Variants in MOCS1 observed in about 807,000 individuals in gnomAD.
MOCS1 encodes the protein molybdenum cofactor synthesis 1.
MOCS1 carries 39 observed loss-of-function variants against 57.6 expected under a neutral mutation model. The ratio of observed to expected loss-of-function variants is 0.68; its 90% CI spans 0.52 to 0.88. The LOEUF (loss-of-function observed/expected upper bound fraction) is 0.88. Ranked by LOEUF, MOCS1 falls within the 40% of genes least tolerant of loss-of-function variation. The pLI is 0.00. For missense variants in MOCS1, 795 were observed against 831.1 expected (o/e 0.96, Z 0.53); for synonymous variants, 334 against 335.7 (o/e 1.00, Z 0.05).
intron 4 of MOCS1, among the ~76,000 whole-genome samples, chr6:39,914,789 C>T (rs896820059): frequency 1.3e-5 from 2 of 152,190 alleles, no homozygotes; most frequent in African/African-American, 2.4e-5. Context: ...CTGTAAAACA[C>T]TCCCCTCCAA....
At chr6:39,933,047 G>A (rs571422831) in intron 1 of MOCS1, among the ~76,000 whole-genome samples, 5 of 152,092 alleles carry the variant, frequency 3.3e-5, no homozygotes, top group African/African-American at 9.6e-5. Context: ...CAGGGAGGAC[G>A]GAAAAGCATT....
At position 39,927,428 on chromosome 6, in the gene MOCS1, G is replaced by A. The variant is rs571898718; in HGVS notation, c.151C>T (p.Arg51Trp). ...EEVSRRRQFL[R>W]EHAAPFSAFL... ...GCGGAGAAGGGGGCCGCATGCTCCCGCAGGAACTGCCTCCGCCTGGACACC... is the reference window on the plus strand; with the variant it reads ...GCGGAGAAGGGGGCCGCATGCTCCCACAGGAACTGCCTCCGCCTGGACACC... Residue 51 changes from arginine (R) to tryptophan (W), a missense_variant, in exon 2 of 11, where the codon CGG becomes TGG. Arg to Trp is a moderately radical substitution (Grantham distance 101, BLOSUM62 -3). Transcript: ENST00000340692. 3.5e-5 allele frequency: 56 copies of A among 1,611,950 alleles called. No individual in the cohort carries two copies. Among genetic ancestry groups the A allele is most frequent in the Admixed American group, 6.7e-5 (4 of 59,822 alleles).
chr6:39,912,520 T>G (rs551472567), intron 7 of MOCS1, 146 bp from the exon 8 acceptor site: 6 of 693,768 alleles, frequency 8.6e-6, no homozygotes, highest in Non-Finnish European at 1.6e-5. Flanking sequence ...CCTCAGGTGA[T>G]AGAAGACTCT....
At chr6:39,910,874 A>G (rs957025974) in intron 8 of MOCS1, among the ~76,000 whole-genome samples, 1 of 146,368 alleles carries the variant, frequency 6.8e-6, no homozygotes, top group South Asian at 2.3e-4. Context: ...GGGTAAAGGG[A>G]AAGAACAATC....
rs886061384 is a variant in MOCS1 at position 39,905,584 on chromosome 6, C to CTT, written c.*771_*772dup. 4.2e-6 allele frequency: 2 copies of CTT among 471,044 alleles called. No homozygotes were observed. Among genetic ancestry groups the CTT allele is most frequent in the East Asian group, 1.4e-4 (2 of 14,404 alleles). The allele number at this position is 471,044 out of a possible 1,614,324, so 29.2% of individuals were successfully genotyped here. A position where few individuals can be genotyped will look rare whatever the true frequency, so the allele number is the denominator to read the frequency against. On this transcript the variant is annotated 3_prime_UTR_variant, in exon 11 of 11. Coordinates refer to ENST00000340692, the MANE Select transcript of MOCS1 (RefSeq NM_001358530.2). ...GAGGGTGAAGGCAATCTATCATCAACTTTTCTTTCCCTGATATGCTCCAGA... is the reference window on the plus strand; with the variant it reads ...GAGGGTGAAGGCAATCTATCATCAACTTTTTTCTTTCCCTGATATGCTCCAGA...
intron 10 of MOCS1, among the ~76,000 whole-genome samples, chr6:39,907,743 C>T (rs1288824048): frequency 6.6e-6 from 1 of 152,090 alleles, no homozygotes; most frequent in Non-Finnish European, 1.5e-5. Flanking sequence ...TATGGACCAG[C>T]AGCACCAGCA....
rs201036100 is a variant in MOCS1 at position 39,913,367 on chromosome 6, G to A, written c.707C>T (p.Thr236Ile). The change falls in exon 6 of 11, where the codon ACT (threonine) becomes ATT (isoleucine). Residue 236 changes from threonine (T) to isoleucine (I), a missense_variant. Around this residue, in one of 3 missense-constraint regions of MOCS1, gnomAD observed 416 missense variants for 392.4 expected, o/e 1.06. Transcript: ENST00000340692. ...GCGCACATCCAGGGGGAGGCCCTCA[G>A]TCAAGGCCGCAAAGTCCAGGAGTTC... The part of the protein sequence containing the change: ...EDELLDFAAL[T>I]EGLPLDVRFI... The A allele has an allele frequency of 7.4e-5, 119 of 1,614,080 alleles. No individual in the cohort carries two copies. The highest frequency in any genetic ancestry group is 9.5e-5 in the Non-Finnish European group (112 of 1,180,032).
At chr6:39,925,325 G>A (rs1225324172) in intron 3 of MOCS1, among the ~76,000 whole-genome samples, 2 of 152,128 alleles carry the variant, frequency 1.3e-5, no homozygotes, top group Admixed American at 6.5e-5. Context: ...ACATGTCAAG[G>A]CCCGGTCATG....
intron 3 of MOCS1, among the ~76,000 whole-genome samples, chr6:39,918,993 A>G (rs1211952383): frequency 1.3e-5 from 2 of 152,232 alleles, no homozygotes; most frequent in Non-Finnish European, 2.9e-5. Context: ...GAACTTAACA[A>G]TCTAAGTCCT....
intron 3 of MOCS1, 106 bp downstream of exon 3, chr6:39,925,572 T>C (rs1405338353): frequency 3.1e-6 from 4 of 1,277,660 alleles, no homozygotes; most frequent in African/African-American, 1.5e-5. Context: ...ACCAAGAGAG[T>C]GTCATGTGCT....
chr6:39,934,139 C>A (rs1768785272), intron 1 of MOCS1, among the ~76,000 whole-genome samples, 156 bp downstream of exon 1: 1 of 152,026 alleles, frequency 6.6e-6, no homozygotes, highest in South Asian at 2.1e-4. Context: ...TGAGACCGGG[C>A]GGTCCATCTG....
intron 10 of MOCS1, among the ~76,000 whole-genome samples, chr6:39,908,170 G>A (rs1362439489): frequency 6.6e-6 from 1 of 152,218 alleles, no homozygotes; most frequent in African/African-American, 2.4e-5. Context: ...GGGCAAAGAT[G>A]GTCCTTGGGC....
At chr6:39,932,031 T>G (rs186502604) in intron 1 of MOCS1, among the ~76,000 whole-genome samples, 167 of 152,254 alleles carry the variant, frequency 1.1e-3, no homozygotes, top group African/African-American at 3.9e-3. Context: ...CGACCTGTTC[T>G]TGGACTCAGC....
chr6:39,925,887 C>A, intron 2 of MOCS1, 42 bp from the exon 3 acceptor site: 2 of 1,581,442 alleles, frequency 1.3e-6, no homozygotes, highest in East Asian at 2.2e-5. Context: ...AGGAAAGAGG[C>A]ACGGCCACAG....
At position 39,916,139 on chromosome 6, in the gene MOCS1, C is replaced by G; in HGVS notation, c.512G>C (p.Gly171Ala). The G allele has an allele frequency of 6.2e-7, 1 of 1,614,032 alleles. No homozygotes were observed. The highest frequency in any genetic ancestry group is 8.5e-7 in the Non-Finnish European group (1 of 1,180,018). Reference sequence around the variant, plus strand: ...CAGGCTGATGTTGATGGCACTGAGACCAGCCTTCTGAAGCTGGGGCAGTAG... The same window carrying G: ...CAGGCTGATGTTGATGGCACTGAGAGCAGCCTTCTGAAGCTGGGGCAGTAG... The part of the protein sequence containing the change: ...ARLLPQLQKA[G>A]LSAINISLDT... The change falls in exon 4 of 11, where the codon GGT becomes GCT. Residue 171 changes from glycine (G) to alanine (A), a missense_variant. Around this residue, in one of 3 missense-constraint regions of MOCS1, gnomAD observed 416 missense variants for 392.4 expected, o/e 1.06. Transcript: ENST00000340692.
intron 10 of MOCS1, 70 bp from the exon 11 acceptor site, chr6:39,907,187 C>G: frequency 5.5e-6 from 8 of 1,460,974 alleles, no homozygotes; most frequent in Non-Finnish European, 6.4e-6. Context: ...CCTCTACTCC[C>G]CAACCCTCTC....
rs755808099 is a variant in MOCS1, at chr6:39,925,804, TG to T, written c.291del (p.Ala99ProfsTer4). 25 of 1,612,636 alleles carry T rather than the reference TG, an allele frequency of 1.6e-5. No homozygotes were observed. The African/African-American group carries it at 2.9e-4, about 19-fold the overall frequency. On this transcript the variant is annotated frameshift_variant, in exon 3 of 11. Coordinates refer to ENST00000340692, the MANE Select transcript of MOCS1 (RefSeq NM_001358530.2). LOFTEE classifies it high-confidence loss of function. ...CMPEEGVPLT[P>X]KANLLTTEEI... ...TCCTCTGTGGTCAGCAGGTTGGCTTTGGGGGTCAGCGGGACCCCCTCCTCGG... is the reference window on the plus strand; with the variant it reads ...TCCTCTGTGGTCAGCAGGTTGGCTTTGGGGTCAGCGGGACCCCCTCCTCGG...
chr6:39,934,179 C>T (rs1329622335), intron 1 of MOCS1, 116 bp downstream of exon 1: 21 of 1,337,054 alleles, frequency 1.6e-5, no homozygotes, highest in African/African-American at 7.5e-5. Context: ...GGAGTGCCAA[C>T]GGGTCCCTCC....
intron 8 of MOCS1, among the ~76,000 whole-genome samples, chr6:39,911,947 TAACCATGGCGGGGGC>T (rs1767355968): frequency 1.3e-5 from 2 of 152,166 alleles, no homozygotes; most frequent in Non-Finnish European, 2.9e-5. Flanking sequence ...TGGAAGGGGC[TAACCATGGCGGGGGC>T]CAGGCAAAAT....
Sources: allele counts gnomAD v4.1 joint callset (sites outside exome capture counted in the v4.1 genomes callset), GRCh38; gene constraint gnomAD v4.1.1; regional missense constraint gnomAD v4.1.1; transcripts MANE v1.5; gene names NCBI Gene and HGNC (gene_info 2026-07-23, HGNC 2026-07-21).